The following CHRM3 variants were observed in gnomAD, a reference collection of about 807,000 sequenced individuals.
CHRM3 encodes the protein muscarinic acetylcholine receptor M3.
A neutral mutation model predicts 41.8 loss-of-function variants in CHRM3; 11 were observed. That is an observed-to-expected ratio of 0.26 (90% CI 0.17 to 0.44). The LOEUF is 0.44. Among genes scored for constraint, CHRM3 ranks in the 20% least tolerant of loss-of-function variants. The probability of loss-of-function intolerance (pLI) is 1.00; values close to 1 mark genes in which losing one functional copy is unlikely to be tolerated. For synonymous variants in CHRM3, 297 were observed against 301.4 expected, an observed-to-expected ratio of 0.99 and a Z score of 0.15; for missense variants, 571 against 745.4, an observed-to-expected ratio of 0.77 and a Z score of 2.72.
At chr1:239,476,983 A>G (rs1305367530) in intron 1 of CHRM3, among the ~76,000 whole-genome samples, 1 of 152,208 alleles carries the variant, frequency 6.6e-6, no homozygotes. Context: ...TTGGAAGTCA[A>G]ATGGAAGTTA....
intron 5 of CHRM3, among the ~76,000 whole-genome samples, chr1:239,775,608 G>T (rs766970022): frequency 1.3e-5 from 2 of 152,160 alleles, no homozygotes; most frequent in Non-Finnish European, 2.9e-5. Context: ...GGCAATGCCC[G>T]CAGGGAGTTT....
At chr1:239,753,510 CT>C (rs1448625543) in intron 5 of CHRM3, among the ~76,000 whole-genome samples, 1 of 152,136 alleles carries the variant, frequency 6.6e-6, no homozygotes, top group Non-Finnish European at 1.5e-5. Context: ...TCGCCACACA[CT>C]TTATGAGCAT....
intron 6 of CHRM3, among the ~76,000 whole-genome samples, chr1:239,844,075 G>T (rs1674066856): frequency 1.3e-5 from 2 of 152,070 alleles, no homozygotes; most frequent in Non-Finnish European, 2.9e-5. Flanking sequence ...ATTTCTTTGT[G>T]ATAAGAACAC....
chr1:239,427,008 G>T (rs1472305414), intron 1 of CHRM3, among the ~76,000 whole-genome samples: 1 of 152,132 alleles, frequency 6.6e-6, no homozygotes, highest in South Asian at 2.1e-4. Context: ...GCAGGCAGAG[G>T]TGAGTGAAGG....
intron 6 of CHRM3, among the ~76,000 whole-genome samples, chr1:239,845,925 G>T (rs1420152334): frequency 1.3e-5 from 2 of 152,260 alleles, no homozygotes; most frequent in Admixed American, 6.5e-5. Context: ...CCTGAAGTTA[G>T]TATTGATTTT....
At chr1:239,816,209 G>A (rs1372634962) in intron 5 of CHRM3, among the ~76,000 whole-genome samples, 1 of 152,168 alleles carries the variant, frequency 6.6e-6, no homozygotes, top group Non-Finnish European at 1.5e-5. Context: ...AGAAGGCGGT[G>A]CTTTGCGATT....
chr1:239,588,717 CT>C (rs1266608933), intron 3 of CHRM3, among the ~76,000 whole-genome samples: 26 of 152,156 alleles, frequency 1.7e-4, no homozygotes, highest in Admixed American at 2.6e-4. Flanking sequence ...CTGGAAAATG[CT>C]GCTAATAACA....
At chr1:239,641,354 T>C (rs764124629) in intron 4 of CHRM3, among the ~76,000 whole-genome samples, 1,591 of 151,186 alleles carry the variant, frequency 0.011, 17 homozygotes, top group Non-Finnish European at 0.017. Context: ...TGTCTAATGT[T>C]GACAGTGGGG....
chr1:239,528,831 T>A (rs542572201), intron 2 of CHRM3, among the ~76,000 whole-genome samples: 5 of 150,476 alleles, frequency 3.3e-5, no homozygotes, highest in Non-Finnish European at 5.9e-5. Context: ...AGGCGGAAGT[T>A]GCAGTGAGCC....
intron 5 of CHRM3, among the ~76,000 whole-genome samples, chr1:239,760,882 G>A (rs2148652668): frequency 6.6e-6 from 1 of 152,298 alleles, no homozygotes; most frequent in South Asian, 2.1e-4. Flanking sequence ...CATTTGCCAA[G>A]CTTCTTGAAT....
At chr1:239,446,761 T>C (rs1191726337) in intron 1 of CHRM3, among the ~76,000 whole-genome samples, 1 of 152,220 alleles carries the variant, frequency 6.6e-6, no homozygotes, top group East Asian at 1.9e-4. Flanking sequence ...TGTGCATTTT[T>C]ATTTCAGCAC....
chr1:239,903,072 T>C (rs1368277698), intron 6 of CHRM3, among the ~76,000 whole-genome samples: 2 of 152,326 alleles, frequency 1.3e-5, no homozygotes, highest in Non-Finnish European at 2.9e-5. Context: ...ATTAACCTAA[T>C]ATAGAGAGCT....
intron 6 of CHRM3, among the ~76,000 whole-genome samples, chr1:239,890,633 A>T (rs576903982): frequency 6.6e-6 from 1 of 152,320 alleles, no homozygotes; most frequent in East Asian, 1.9e-4. Flanking sequence ...GGTCACTTAC[A>T]CTTTGGGTCA....
intron 5 of CHRM3, among the ~76,000 whole-genome samples, chr1:239,729,299 T>C (rs988897543): frequency 1.3e-5 from 2 of 151,890 alleles, no homozygotes; most frequent in African/African-American, 4.8e-5. Context: ...TACACATAAA[T>C]GTCTGTTTCA....
intron 1 of CHRM3, among the ~76,000 whole-genome samples, chr1:239,413,709 GTTAA>G (rs1661285288): frequency 6.6e-6 from 1 of 152,156 alleles, no homozygotes; most frequent in Admixed American, 6.5e-5. Flanking sequence ...GGATTATTTA[GTTAA>G]TTAATTAAAT....
At chr1:239,499,693 C>T (rs115733946) in intron 2 of CHRM3, among the ~76,000 whole-genome samples, 4,332 of 151,904 alleles carry the variant, frequency 0.029, 157 homozygotes, top group African/African-American at 0.081. Context: ...AAAGTTAAGA[C>T]GAAGGAAAGT....
At chr1:239,534,078 A>T (rs1317927617) in intron 2 of CHRM3, among the ~76,000 whole-genome samples, 2 of 152,338 alleles carry the variant, frequency 1.3e-5, no homozygotes, top group Admixed American at 1.3e-4. Context: ...CTATAATCCC[A>T]GCACTTTGGG....
In CHRM3 at chr1:239,759,170, T is replaced by G. The variant is rs35624317; in HGVS notation, c.-146-68082T>G. Among the ~76,000 whole-genome samples the G allele has an allele frequency of 7.5e-3, 884 of 117,954 alleles. 10 individuals carry two copies. The highest frequency in any genetic ancestry group is 0.028 in the African/African-American group (728 of 25,548). The allele number at this position is 117,954 out of a possible 152,430, so 77.4% of individuals were successfully genotyped here. A position where few individuals can be genotyped will look rare whatever the true frequency, so the allele number is the denominator to read the frequency against. ...TGAGCTTTATGGGTTTTTTTTTTTG[T>G]TTTTTTTTTTTGTTTTTTTTTTTTT... On this transcript the variant is annotated intron_variant, in intron 5 of 6. Coordinates refer to ENST00000676153, the MANE Select transcript of CHRM3 (RefSeq NM_001375978.1).
intron 2 of CHRM3, among the ~76,000 whole-genome samples, chr1:239,509,727 T>A (rs1369554713): frequency 6.6e-6 from 1 of 152,206 alleles, no homozygotes; most frequent in African/African-American, 2.4e-5. Context: ...ATAATAGGTG[T>A]CTTTTTAAGC....
Sources: gnomAD v4.1 joint callset for allele counts (sites outside exome capture counted in the v4.1 genomes callset) on GRCh38, gnomAD v4.1.1 for gene constraint, MANE v1.5 for transcripts, NCBI Gene and HGNC (gene_info 2026-07-23, HGNC 2026-07-21) for gene names.